RASSF8: variants seen among roughly 807,000 people sequenced by gnomAD.
RASSF8 encodes the protein Ras association domain family member 8.
In RASSF8, 22 loss-of-function variants were observed where a neutral mutation model predicts 48.5. The ratio of observed to expected loss-of-function variants is 0.45; its 90% CI spans 0.32 to 0.65. The LOEUF is 0.65. RASSF8 is among the 30% of genes least tolerant of loss of function. The probability of loss-of-function intolerance (pLI) is 0.03; values close to 1 mark genes in which losing one functional copy is unlikely to be tolerated. For missense variants in RASSF8, 418 were observed against 489.2 expected (o/e 0.85, Z 1.37); for synonymous variants, 127 against 171.5 (o/e 0.74, Z 2.03).
intron 2 of RASSF8, among the ~76,000 whole-genome samples, chr12:26,017,535 A>G (rs1311973449): frequency 6.6e-6 from 1 of 152,218 alleles, no homozygotes; most frequent in Non-Finnish European, 1.5e-5. Flanking sequence ...GGCTCACTGG[A>G]AAGCAGAGAA....
In RASSF8 at chr12:25,964,318, A is replaced by C. The variant is rs1219291668; in HGVS notation, c.-203+5170A>C. ...TTTTTTTTTTTTAAATCACATTCAG[A>C]TATATCACAAAATATTGCAGTGAAC... On this transcript the variant is annotated intron_variant, in intron 1 of 5. Coordinates refer to ENST00000689635, the MANE Select transcript of RASSF8 (RefSeq NM_001394098.1). 2.0e-5 allele frequency among the ~76,000 whole-genome samples: 3 copies of C among 151,328 alleles called. No homozygotes were observed. In the East Asian group the frequency reaches 5.8e-4, roughly 29 times the overall value.
chr12:25,977,859 A>AGGT (rs1207005183), intron 1 of RASSF8, among the ~76,000 whole-genome samples: 1 of 152,232 alleles, frequency 6.6e-6, no homozygotes, highest in Non-Finnish European at 1.5e-5. Context: ...TCCTAGTGAC[A>AGGT]GGTGGGATTG....
chr12:26,018,931 A>G (rs2137054195), intron 2 of RASSF8, among the ~76,000 whole-genome samples: 1 of 152,362 alleles, frequency 6.6e-6, no homozygotes, highest in South Asian at 2.1e-4. Context: ...CCCATGCATC[A>G]TGGCTAAGTG....
intron 1 of RASSF8, among the ~76,000 whole-genome samples, chr12:25,993,605 A>G (rs1942063800): frequency 6.6e-6 from 1 of 152,184 alleles, no homozygotes; most frequent in African/African-American, 2.4e-5. Flanking sequence ...TTTGCTATCC[A>G]GTCGTCTTTC....
At chr12:25,987,007 C>G (rs1218000401) in intron 1 of RASSF8, among the ~76,000 whole-genome samples, 1 of 151,250 alleles carries the variant, frequency 6.6e-6, no homozygotes, top group Non-Finnish European at 1.5e-5. Flanking sequence ...GCAATCTCAG[C>G]TCACCGCAAC....
downstream of RASSF8, among the ~76,000 whole-genome samples, chr12:26,075,210 T>A (rs933826313): frequency 1.3e-5 from 2 of 152,162 alleles, no homozygotes; most frequent in Non-Finnish European, 2.9e-5. Flanking sequence ...ACTCCAGGTG[T>A]TTACCACTTA....
chr12:26,027,903 A>AGAAG lies in RASSF8; in HGVS notation c.-108-27332_-108-27329dup, dbSNP rs538847122. Among the ~76,000 whole-genome samples the AGAAG allele has an allele frequency of 9.2e-5, 14 of 152,320 alleles. No homozygotes were observed. The South Asian group carries it at 2.9e-3, about 32-fold the overall frequency. ...AGAGGGGAATGACCAGATGGGTGGGAGAAGCCATGGAAAACGGGATGTAGA... is the reference window on the plus strand; with the variant it reads ...AGAGGGGAATGACCAGATGGGTGGGAGAAGGAAGCCATGGAAAACGGGATGTAGA... On this transcript the variant is annotated intron_variant, in intron 2 of 5. Coordinates refer to ENST00000689635, the MANE Select transcript of RASSF8 (RefSeq NM_001394098.1).
chr12:26,075,138 T>G (rs914989330), downstream of RASSF8, among the ~76,000 whole-genome samples: 1 of 151,104 alleles, frequency 6.6e-6, no homozygotes, highest in African/African-American at 2.5e-5. Context: ...GCACCTTCTC[T>G]GAGCCAGGAA....
intron 2 of RASSF8, among the ~76,000 whole-genome samples, chr12:26,004,501 T>C (rs1430072910): frequency 6.6e-6 from 1 of 152,174 alleles, no homozygotes; most frequent in Non-Finnish European, 1.5e-5. Flanking sequence ...ACTTAACTAC[T>C]AATAGCCTAT....
intron 2 of RASSF8, among the ~76,000 whole-genome samples, chr12:26,036,495 A>T (rs1239094901): frequency 1.3e-5 from 2 of 152,098 alleles, no homozygotes; most frequent in Admixed American, 6.6e-5. Flanking sequence ...GAACAGTTTC[A>T]TTTTTTAAAT....
rs575826626 is a variant in RASSF8 at position 25,988,601 on chromosome 12, A to T, written c.-202-6436A>T. 5.3e-5 allele frequency among the ~76,000 whole-genome samples: 8 copies of T among 152,340 alleles called. No homozygotes were observed. The East Asian group carries it at 1.4e-3, about 26-fold the overall frequency. Reference sequence around the variant, plus strand: ...CATTTAGAAAATAGCCCTCTCCCTCATGACTAAACAATCATTTGTAGGGGA... The same window carrying T: ...CATTTAGAAAATAGCCCTCTCCCTCTTGACTAAACAATCATTTGTAGGGGA... On this transcript the variant is annotated intron_variant, in intron 1 of 5. Coordinates refer to ENST00000689635, the MANE Select transcript of RASSF8 (RefSeq NM_001394098.1).
intron 1 of RASSF8, among the ~76,000 whole-genome samples, chr12:25,965,945 T>C (rs922459510): frequency 4.6e-5 from 7 of 152,212 alleles, no homozygotes; most frequent in Non-Finnish European, 1.0e-4. Context: ...TTGATGAACA[T>C]TAGATTTGTT....
At chr12:26,020,538 G>A (rs1942763319) in intron 2 of RASSF8, 1 of 151,970 alleles carries the variant, frequency 6.6e-6, no homozygotes, top group South Asian at 2.1e-4. Context: ...TTTTTTAAAA[G>A]AATATTGTTT....
In RASSF8 at chr12:26,022,746, C is replaced by CT. The variant is rs1316216372; in HGVS notation, c.-109+27626dup. Among the ~76,000 whole-genome samples, 182 of 148,810 alleles carry CT rather than the reference C, an allele frequency of 1.2e-3. 2 individuals carry two copies. The highest frequency in any genetic ancestry group is 3.1e-3 in the African/African-American group (124 of 40,648). ...GGCTCCACAGTTGATTTCTTTCTTTCTTTTTTTTTTGAGACAGAGTTTTAT... is the reference window on the plus strand; with the variant it reads ...GGCTCCACAGTTGATTTCTTTCTTTCTTTTTTTTTTTGAGACAGAGTTTTAT... On this transcript the variant is annotated intron_variant, in intron 2 of 5. Coordinates refer to ENST00000689635, the MANE Select transcript of RASSF8 (RefSeq NM_001394098.1).
chr12:26,068,610 T>G, intron 5 of RASSF8, 87 bp from the exon 6 acceptor site: 1 of 1,070,350 alleles, frequency 9.3e-7, no homozygotes, highest in Non-Finnish European at 1.4e-6. Flanking sequence ...TTTTCCCTTT[T>G]GGGGTAGGAA....
chr12:26,024,194 T>G (rs1181845743), intron 2 of RASSF8, among the ~76,000 whole-genome samples: 1 of 152,074 alleles, frequency 6.6e-6, no homozygotes, highest in African/African-American at 2.4e-5. Context: ...TGAGATGAGG[T>G]CTTGCTCTGT....
At chr12:25,993,654 C>T (rs761795680) in intron 1 of RASSF8, among the ~76,000 whole-genome samples, 13 of 152,062 alleles carry the variant, frequency 8.5e-5, no homozygotes, top group South Asian at 6.2e-4. Context: ...TGGATGGCAC[C>T]GTCCACAGAC....
chr12:26,063,664 T>C (rs1943796874), intron 3 of RASSF8, among the ~76,000 whole-genome samples: 1 of 152,092 alleles, frequency 6.6e-6, no homozygotes, highest in Non-Finnish European at 1.5e-5. Context: ...CCTCCCAAAA[T>C]ACTGGGATTA....
intron 2 of RASSF8, among the ~76,000 whole-genome samples, chr12:26,015,513 C>A (rs1164447811): frequency 1.3e-5 from 2 of 152,120 alleles, no homozygotes. Context: ...GGCCACCTGA[C>A]AAGCAAAGAG....
Sources: allele counts gnomAD v4.1 joint callset (sites outside exome capture counted in the v4.1 genomes callset), GRCh38; gene constraint gnomAD v4.1.1; transcripts MANE v1.5; gene names NCBI Gene and HGNC (gene_info 2026-07-23, HGNC 2026-07-21).